Variants in CPS1 observed in about 807,000 individuals in gnomAD.
The protein encoded by CPS1 is carbamoyl-phosphate synthase 1.
CPS1 carries 109 observed loss-of-function variants against 174.6 expected under a neutral mutation model. The ratio of observed to expected loss-of-function variants is 0.62; its 90% CI spans 0.53 to 0.73. The LOEUF is 0.73. Among genes scored for constraint, CPS1 ranks in the 30% least tolerant of loss-of-function variants. CPS1 has a pLI of 0.00. For synonymous variants in CPS1, 637 were observed against 632.0 expected (o/e 1.01, Z -0.12); for missense variants, 1,689 against 1,821.9 (o/e 0.93, Z 1.33).
intron 1 of CPS1, among the ~76,000 whole-genome samples, chr2:210,538,465 T>A (rs1420576974): frequency 6.6e-6 from 1 of 152,002 alleles, no homozygotes; most frequent in Non-Finnish European, 1.5e-5. Context: ...TAAAATGATA[T>A]ACTTATACAT....
At chr2:210,556,043 T>A (rs557543177), upstream of CPS1, among the ~76,000 whole-genome samples, 7 of 152,018 alleles carry the variant, frequency 4.6e-5, no homozygotes, top group Non-Finnish European at 7.4e-5. Context: ...GCTTTAACTT[T>A]GAAACACAGA....
chr2:210,647,992 A>G lies in CPS1; in HGVS notation c.3271A>G (p.Ile1091Val), dbSNP rs756973290. The change falls in exon 26 of 38, where the codon ATC becomes GTC. Residue 1091 changes from isoleucine (I) to valine (V), a missense_variant. Physicochemically the swap from Ile to Val is conservative, Grantham distance 29 (BLOSUM62 3). Transcript: ENST00000233072. ...GATCGACAGGGCTGAGGATCGCTCC[A>G]TCTTCTCAGCTGTCTTGGATGAGCT... ...LQIDRAEDRS[I>V]FSAVLDELKV... The G allele has an allele frequency of 5.6e-6, 9 of 1,614,044 alleles. No homozygotes were observed. The Admixed American group carries it at 6.7e-5, about 12-fold the overall frequency.
Position 210,576,332 on chromosome 2 carries a change from G to T in CPS1, c.237-14G>T. 1.2e-6 allele frequency: 2 copies of T among 1,613,222 alleles called. No homozygotes were observed. Among genetic ancestry groups the T allele is most frequent in the Non-Finnish European group, 1.7e-6 (2 of 1,179,382 alleles). ...TACATTATTTGCTGATAATTTTTTG[G>T]CATGTTTACCCAGGTACCCAGAAGC... On this transcript the variant is annotated splice_polypyrimidine_tract_variant and intron_variant, in intron 2 of 37. Coordinates refer to ENST00000233072, the MANE Select transcript of CPS1 (RefSeq NM_001875.5).
intron 34 of CPS1, chr2:210,672,318 A>G (rs1465005256): frequency 1.3e-5 from 2 of 152,216 alleles, no homozygotes; most frequent in Non-Finnish European, 2.9e-5. Context: ...AGTTGAGTGC[A>G]TGATTAATGT....
intron 1 of CPS1, among the ~76,000 whole-genome samples, chr2:210,567,414 G>C (rs998231630): frequency 1.3e-5 from 2 of 151,982 alleles, no homozygotes; most frequent in African/African-American, 2.4e-5. Flanking sequence ...TGGGGACTTG[G>C]TATAGAAATG....
chr2:210,605,915 G>C (rs1185394958), intron 17 of CPS1, among the ~76,000 whole-genome samples: 2 of 151,734 alleles, frequency 1.3e-5, no homozygotes, highest in Admixed American at 6.6e-5. Context: ...AGATTTATAG[G>C]GCAGGGGAAA....
chr2:210,540,709 C>T lies in CPS1; in HGVS notation c.4-16010C>T, dbSNP rs543742287. Among the ~76,000 whole-genome samples, 5 of 152,254 alleles carry T rather than the reference C, an allele frequency of 3.3e-5. No homozygotes were observed. The South Asian group carries it at 8.3e-4, about 25-fold the overall frequency. The stretch of plus-strand genomic sequence containing the variant: ...AGTTAAAGCAACTTGTTCAAGGTCA[C>T]ACAAATGGTAAGTGGGTAATTTCGG... On this transcript the variant is annotated intron_variant, in intron 1 of 38. Coordinates refer to the CPS1 transcript ENST00000430249.
chr2:210,527,810 T>A (rs1228375982), intron 1 of CPS1, among the ~76,000 whole-genome samples: 1 of 151,790 alleles, frequency 6.6e-6, no homozygotes, highest in Non-Finnish European at 1.5e-5. Context: ...GAAAAATAAA[T>A]GAATAAACAG....
At chr2:210,675,259 A>G (rs62203749) in intron 35 of CPS1, among the ~76,000 whole-genome samples, 1 of 152,142 alleles carries the variant, frequency 6.6e-6, no homozygotes, top group Non-Finnish European at 1.5e-5. Context: ...TTTTGTTTTC[A>G]TATGAGGTTA....
At chr2:210,639,021 C>T (rs1574627678) in intron 22 of CPS1, 129 bp from the exon 23 acceptor site, 3 of 717,034 alleles carry the variant, frequency 4.2e-6, no homozygotes, top group East Asian at 2.8e-5. Context: ...ACGGGTCATA[C>T]ATTTTCCTGT....
intron 1 of CPS1, among the ~76,000 whole-genome samples, chr2:210,539,746 G>A (rs1254289602): frequency 6.6e-6 from 1 of 152,118 alleles, no homozygotes; most frequent in African/African-American, 2.4e-5. Flanking sequence ...GGGCGTTAGG[G>A]GGTCTGGTCA....
intron 1 of CPS1, among the ~76,000 whole-genome samples, chr2:210,549,577 G>T (rs1007646457): frequency 3.9e-5 from 6 of 151,938 alleles, no homozygotes; most frequent in Non-Finnish European, 7.4e-5. Flanking sequence ...TGCAGTAATT[G>T]TTCAGAACTT....
intron 1 of CPS1, among the ~76,000 whole-genome samples, chr2:210,568,782 A>G (rs556500354): frequency 1.3e-5 from 2 of 152,240 alleles, no homozygotes; most frequent in East Asian, 1.9e-4. Context: ...AAAACGTTGC[A>G]TTAGATATCT....
chr2:210,559,960 A>G (rs998455928), intron 1 of CPS1, among the ~76,000 whole-genome samples: 2 of 152,128 alleles, frequency 1.3e-5, no homozygotes, highest in African/African-American at 4.8e-5. Context: ...ATTTTAGTAG[A>G]AGGACTTAGT....
intron 13 of CPS1, 59 bp downstream of exon 13, chr2:210,595,641 AT>A: frequency 8.6e-7 from 1 of 1,156,866 alleles, no homozygotes; most frequent in Non-Finnish European, 1.3e-6. Context: ...TCTAATTAGT[AT>A]TTTATAATTT....
Position 210,508,800 on chromosome 2 carries a change from G to A in CPS1, c.3+31034G>A, listed in dbSNP as rs1162812958. Among the ~76,000 whole-genome samples the A allele has an allele frequency of 5.3e-5, 8 of 152,286 alleles. No homozygotes were observed. The East Asian group carries it at 5.8e-4, about 11-fold the overall frequency. ...TCTAGAAGAAATGGATAAATTCCTT[G>A]ACACATACACCCTCCCAAGACTAAA... On this transcript the variant is annotated intron_variant, in intron 1 of 38. Coordinates refer to the CPS1 transcript ENST00000430249.
intron 16 of CPS1, among the ~76,000 whole-genome samples, chr2:210,602,884 TA>T (rs975068737): frequency 2.6e-5 from 4 of 151,904 alleles, no homozygotes; most frequent in Non-Finnish European, 5.9e-5. Context: ...CATATACTCA[TA>T]AAAACACGAG....
intron 1 of CPS1, among the ~76,000 whole-genome samples, chr2:210,510,231 A>G: frequency 6.6e-6 from 1 of 152,212 alleles, no homozygotes. Context: ...CACGTTATCT[A>G]CAACTATCTG....
chr2:210,642,423 C>A, intron 24 of CPS1, 61 bp from the exon 25 acceptor site: 1 of 1,586,828 alleles, frequency 6.3e-7, no homozygotes, highest in Non-Finnish European at 8.7e-7. Flanking sequence ...ATTTCTGCTT[C>A]TCTTTGTATT....
Sources: gnomAD v4.1 joint callset for allele counts (sites outside exome capture counted in the v4.1 genomes callset) on GRCh38, gnomAD v4.1.1 for gene constraint, MANE v1.5 for transcripts, NCBI Gene and HGNC (gene_info 2026-07-23, HGNC 2026-07-21) for gene names.